The following VNN1 variants were observed in gnomAD, a reference collection of about 807,000 sequenced individuals.
VNN1 encodes the protein pantetheinase.
VNN1 carries 29 observed loss-of-function variants against 41.9 expected under a neutral mutation model. The observed-to-expected ratio is 0.69, with a 90% CI of 0.52 to 0.94. The LOEUF is 0.94. VNN1 is among the 40% of genes least tolerant of loss of function. The pLI is 0.00. For missense variants in VNN1, 637 were observed against 621.1 expected, an observed-to-expected ratio of 1.03 and a Z score of -0.27; for synonymous variants, 233 against 224.4, an observed-to-expected ratio of 1.04 and a Z score of -0.34.
chr6:132,689,326 G>A (rs1778250728), intron 5 of VNN1, among the ~76,000 whole-genome samples: 1 of 152,038 alleles, frequency 6.6e-6, no homozygotes, highest in Non-Finnish European at 1.5e-5. Flanking sequence ...ATGAGTCTCT[G>A]TTAAACCATT....
At chr6:132,700,094 A>G (rs1015077356) in intron 2 of VNN1, among the ~76,000 whole-genome samples, 18 of 152,324 alleles carry the variant, frequency 1.2e-4, no homozygotes, top group Non-Finnish European at 2.1e-4. Flanking sequence ...CAAATTTGAA[A>G]CTATTCATAT....
Position 132,714,055 on chromosome 6 carries a change from T to G in VNN1, c.-20A>C. ...AGTCATGCTGAAGTCCAATGAGTGCTGAAAAACAGAGCATGTCCTGGTATT... is the reference window on the plus strand; with the variant it reads ...AGTCATGCTGAAGTCCAATGAGTGCGGAAAAACAGAGCATGTCCTGGTATT... On this transcript the variant is annotated 5_prime_UTR_variant, in exon 1 of 7. Coordinates refer to ENST00000367928, the MANE Select transcript of VNN1 (RefSeq NM_004666.3). The G allele has an allele frequency of 6.3e-7, 1 of 1,595,704 alleles. No homozygotes were observed. Among genetic ancestry groups the G allele is most frequent in the Non-Finnish European group, 8.6e-7 (1 of 1,168,884 alleles).
intron 6 of VNN1, 21 bp downstream of exon 6, chr6:132,684,314 G>A: frequency 6.3e-7 from 1 of 1,596,712 alleles, no homozygotes; most frequent in Non-Finnish European, 8.6e-7. Flanking sequence ...AAACTAATTG[G>A]CAATATTCGA....
At chr6:132,686,545 C>T (rs577821875) in intron 5 of VNN1, among the ~76,000 whole-genome samples, 2 of 152,290 alleles carry the variant, frequency 1.3e-5, no homozygotes, top group African/African-American at 4.8e-5. Flanking sequence ...TTAGAAGAAT[C>T]TTGAAACCTG....
chr6:132,698,300 A>G (rs1778400700), intron 2 of VNN1, among the ~76,000 whole-genome samples: 1 of 152,248 alleles, frequency 6.6e-6, no homozygotes, highest in Admixed American at 6.5e-5. Context: ...ATCATCAATT[A>G]TCGGAAAGAT....
At chr6:132,688,141 A>G (rs890132299) in intron 5 of VNN1, among the ~76,000 whole-genome samples, 1 of 152,110 alleles carries the variant, frequency 6.6e-6, no homozygotes, top group Non-Finnish European at 1.5e-5. Flanking sequence ...CTTATCTTCA[A>G]TACAAAAATC....
chr6:132,693,509 T>C (rs995771273), intron 3 of VNN1, among the ~76,000 whole-genome samples, 194 bp from the exon 4 acceptor site: 2 of 152,190 alleles, frequency 1.3e-5, no homozygotes, highest in Admixed American at 1.3e-4. Flanking sequence ...AGTCTCCACA[T>C]TACAAATATG....
rs559075206 is a variant in VNN1 at position 132,704,945 on chromosome 6, T to C, written c.341+6764A>G. ...GGAAAACCTAAAAGACATGAATAAA[T>C]TCCTAGACACATACAGCCTACCAAG... On this transcript the variant is annotated intron_variant, in intron 2 of 6. Coordinates refer to ENST00000367928, the MANE Select transcript of VNN1 (RefSeq NM_004666.3). 8.6e-5 allele frequency among the ~76,000 whole-genome samples: 13 copies of C among 152,018 alleles called. No individual in the cohort carries two copies. The South Asian group carries it at 2.7e-3, about 31-fold the overall frequency.
Position 132,681,004 on chromosome 6 carries a change from C to G in VNN1, c.*2136G>C, listed in dbSNP as rs572077193. On this transcript the variant is annotated 3_prime_UTR_variant, in exon 7 of 7. Transcript: ENST00000367928. ...CAATCCTATTTTTTAAATTACATTGCAATATATACAGATATAAATATAAAT... is the reference window on the plus strand; with the variant it reads ...CAATCCTATTTTTTAAATTACATTGGAATATATACAGATATAAATATAAAT... 9.9e-5 allele frequency among the ~76,000 whole-genome samples: 15 copies of G among 152,142 alleles called. No individual in the cohort carries two copies. The highest frequency in any genetic ancestry group is 3.6e-4 in the African/African-American group (15 of 41,506).
chr6:132,711,529 C>A (rs3798793), intron 2 of VNN1, among the ~76,000 whole-genome samples, 180 bp downstream of exon 2: 3 of 152,032 alleles, frequency 2.0e-5, no homozygotes, highest in Non-Finnish European at 4.4e-5. Context: ...CTAGCTCTGA[C>A]TTCTGTGACT....
chr6:132,684,909 A>C (rs1318755755), intron 5 of VNN1, among the ~76,000 whole-genome samples: 1 of 152,262 alleles, frequency 6.6e-6, no homozygotes, highest in Non-Finnish European at 1.5e-5. Context: ...TCACTGTCAA[A>C]AAGATTAGCC....
chr6:132,683,256 A>G lies in VNN1; in HGVS notation c.1426T>C (p.Phe476Leu). The change falls in exon 7 of 7, where the codon TTT (phenylalanine) becomes CTT (leucine). Residue 476 changes from phenylalanine to leucine, a missense_variant. Coordinates refer to ENST00000367928, the MANE Select transcript of VNN1 (RefSeq NM_004666.3). ...CAGTCCTTCTCATACAACCTCCCAA[A>G]CAGAGTTACTGTTAAGACAGGTCCG... is the stretch of plus-strand genomic sequence containing the variant. ...TSGPVLTVTL[F>L]GRLYEKDWAS... is the part of the protein sequence containing the mutation. The G allele has an allele frequency of 6.2e-7, 1 of 1,614,114 alleles. No homozygotes were observed. The highest frequency in any genetic ancestry group is 2.2e-5 in the East Asian group (1 of 44,872).
intron 2 of VNN1, 58 bp from the exon 3 acceptor site, chr6:132,694,240 A>G (rs1278394163): frequency 6.1e-6 from 9 of 1,477,788 alleles, no homozygotes; most frequent in Non-Finnish European, 8.1e-6. Flanking sequence ...ACTCTCAACA[A>G]AATCCTGAAT....
chr6:132,688,060 A>G (rs991033576), intron 5 of VNN1, among the ~76,000 whole-genome samples: 3 of 152,008 alleles, frequency 2.0e-5, no homozygotes, highest in Non-Finnish European at 2.9e-5. Context: ...GATAATCGAG[A>G]TTTTTCAAGC....
At chr6:132,702,845 G>C (rs747344786) in intron 2 of VNN1, among the ~76,000 whole-genome samples, 1 of 152,180 alleles carries the variant, frequency 6.6e-6, no homozygotes, top group Admixed American at 6.5e-5. Flanking sequence ...AAGAGCCCTT[G>C]GGCTTTGAAT....
chr6:132,710,955 C>A (rs956737082), intron 2 of VNN1, among the ~76,000 whole-genome samples: 2 of 152,190 alleles, frequency 1.3e-5, no homozygotes, highest in African/African-American at 4.8e-5. Flanking sequence ...ACACTGTCTT[C>A]CACAATGGTT....
intron 2 of VNN1, among the ~76,000 whole-genome samples, chr6:132,696,557 C>T (rs761013161): frequency 6.6e-6 from 1 of 151,992 alleles, no homozygotes; most frequent in Non-Finnish European, 1.5e-5. Context: ...ATCTTGAAAG[C>T]AGCAAGACAG....
intron 5 of VNN1, among the ~76,000 whole-genome samples, chr6:132,690,761 T>C (rs1192862445): frequency 6.6e-6 from 1 of 152,056 alleles, no homozygotes; most frequent in Non-Finnish European, 1.5e-5. Context: ...GCAAACAAAA[T>C]ACTGTGCAGT....
intron 5 of VNN1, 146 bp from the exon 6 acceptor site, chr6:132,684,651 C>G: frequency 1.7e-6 from 1 of 583,702 alleles, no homozygotes; most frequent in Non-Finnish European, 2.6e-6. Context: ...TTGTTAATGA[C>G]AATAAAGCTA....
Sources: allele counts gnomAD v4.1 joint callset (sites outside exome capture counted in the v4.1 genomes callset), GRCh38; gene constraint gnomAD v4.1.1; transcripts MANE v1.5; gene names NCBI Gene and HGNC (gene_info 2026-07-23, HGNC 2026-07-21).